GALNT14: variants seen among roughly 807,000 people sequenced by gnomAD.
The protein encoded by GALNT14 is polypeptide N-acetylgalactosaminyltransferase 14, also known as UDP-GalNAc:polypeptide N-acetylgalactosaminyltransferase 14.
Under a neutral mutation model 77.5 loss-of-function variants are expected in GALNT14, and 60 were observed. The ratio of observed to expected loss-of-function variants is 0.77; its 90% CI spans 0.63 to 0.96. The LOEUF is 0.96. Among genes scored for constraint, GALNT14 ranks in the 40% least tolerant of loss-of-function variants. GALNT14 has a pLI of 0.00. For missense variants in GALNT14, 710 were observed against 731.0 expected (o/e 0.97, Z 0.33); for synonymous variants, 280 against 281.7 (o/e 0.99, Z 0.06).
At chr2:30,961,889 C>T (rs1667714364) in intron 3 of GALNT14, among the ~76,000 whole-genome samples, 1 of 152,012 alleles carries the variant, frequency 6.6e-6, no homozygotes. Flanking sequence ...GACGGGGTTT[C>T]ACCATGTTAG....
At chr2:31,029,404 T>C (rs561438720) in intron 1 of GALNT14, among the ~76,000 whole-genome samples, 5 of 152,186 alleles carry the variant, frequency 3.3e-5, no homozygotes, top group African/African-American at 9.6e-5. Flanking sequence ...CACCTCATCA[T>C]CTCCACCAGC....
intron 6 of GALNT14, among the ~76,000 whole-genome samples, chr2:30,951,875 G>T (rs952899822): frequency 1.3e-5 from 2 of 152,168 alleles, no homozygotes; most frequent in African/African-American, 4.8e-5. Context: ...AGGAACTTCA[G>T]TTCCAGGGTG....
intron 1 of GALNT14, among the ~76,000 whole-genome samples, chr2:31,131,533 G>T (rs1014798099): frequency 7.2e-5 from 11 of 152,214 alleles, no homozygotes; most frequent in Non-Finnish European, 1.6e-4. Context: ...ACTTTGGGAT[G>T]CTATAGAAGA....
At chr2:30,925,728 C>T (rs1248913839) in intron 11 of GALNT14, among the ~76,000 whole-genome samples, 1 of 152,196 alleles carries the variant, frequency 6.6e-6, no homozygotes, top group Non-Finnish European at 1.5e-5. Context: ...TCCCGTGAGG[C>T]ACTGCCAAGG....
chr2:30,906,670 G>C (rs1408561100), downstream of GALNT14, among the ~76,000 whole-genome samples: 1 of 151,798 alleles, frequency 6.6e-6, no homozygotes, highest in South Asian at 2.1e-4. Context: ...AGTCAACAAG[G>C]ATACCCAGGA....
intron 6 of GALNT14, among the ~76,000 whole-genome samples, chr2:30,947,361 T>C (rs1373734426): frequency 6.6e-6 from 1 of 152,228 alleles, no homozygotes; most frequent in Non-Finnish European, 1.5e-5. Context: ...CATTACTTGC[T>C]ACGTCCCTCA....
chr2:31,006,848 C>T (rs1428958149), intron 1 of GALNT14, among the ~76,000 whole-genome samples: 1 of 152,236 alleles, frequency 6.6e-6, no homozygotes, highest in African/African-American at 2.4e-5. Context: ...TTCCAGCTTT[C>T]AGCTGAGCAG....
At chr2:31,068,467 C>T (rs1253734980) in intron 1 of GALNT14, among the ~76,000 whole-genome samples, 20 of 149,242 alleles carry the variant, frequency 1.3e-4, no homozygotes, top group Admixed American at 1.3e-3. Context: ...AGAGATCACG[C>T]CACTCTACTC....
At chr2:31,011,856 G>A (rs1285518781) in intron 1 of GALNT14, among the ~76,000 whole-genome samples, 4 of 152,174 alleles carry the variant, frequency 2.6e-5, no homozygotes, top group Admixed American at 1.3e-4. Flanking sequence ...ACAACCTTGA[G>A]ATGTGTTCTC....
intron 1 of GALNT14, among the ~76,000 whole-genome samples, chr2:31,115,593 G>A (rs958116838): frequency 6.6e-6 from 1 of 152,168 alleles, no homozygotes; most frequent in East Asian, 1.9e-4. Flanking sequence ...AAAGAGGAGG[G>A]ATTCTGCAAA....
chr2:30,939,661 C>A (rs1461168987), intron 9 of GALNT14, among the ~76,000 whole-genome samples: 1 of 152,084 alleles, frequency 6.6e-6, no homozygotes, highest in Non-Finnish European at 1.5e-5. Context: ...GATGGAGGAC[C>A]ACTGAGGAGA....
chr2:31,131,231 C>T (rs917438354), intron 1 of GALNT14, among the ~76,000 whole-genome samples: 2 of 152,184 alleles, frequency 1.3e-5, no homozygotes, highest in African/African-American at 4.8e-5. Context: ...GTGGGACTCT[C>T]TCTATCTCCT....
intron 1 of GALNT14, among the ~76,000 whole-genome samples, chr2:31,029,918 G>C (rs1208359070): frequency 6.6e-6 from 1 of 152,238 alleles, no homozygotes; most frequent in Non-Finnish European, 1.5e-5. Context: ...TACCTTGGCT[G>C]AGTTCGAGAA....
chr2:30,985,102 G>A (rs529440906), intron 2 of GALNT14, among the ~76,000 whole-genome samples: 1 of 152,214 alleles, frequency 6.6e-6, no homozygotes, highest in East Asian at 1.9e-4. Flanking sequence ...TTGGCATATG[G>A]CAATTGCTCA....
intron 1 of GALNT14, among the ~76,000 whole-genome samples, chr2:31,054,243 G>C (rs1024970572): frequency 1.1e-4 from 16 of 152,194 alleles, no homozygotes; most frequent in Admixed American, 5.2e-4. Flanking sequence ...TTTGCAATAA[G>C]ACTGAAATCA....
chr2:30,905,679 G>A (rs2148185526), downstream of GALNT14, among the ~76,000 whole-genome samples: 1 of 150,998 alleles, frequency 6.6e-6, no homozygotes, highest in South Asian at 2.1e-4. Context: ...TAGCAAGGCA[G>A]GCCAACGTTC....
At chr2:31,008,989 A>G (rs1558488417) in intron 1 of GALNT14, among the ~76,000 whole-genome samples, 1 of 152,188 alleles carries the variant, frequency 6.6e-6, no homozygotes, top group Non-Finnish European at 1.5e-5. Flanking sequence ...TTCCCAGGAA[A>G]CTTGCATCTG....
At chr2:30,994,764 T>C (rs1004226843) in intron 1 of GALNT14, among the ~76,000 whole-genome samples, 1 of 152,092 alleles carries the variant, frequency 6.6e-6, no homozygotes, top group Non-Finnish European at 1.5e-5. Flanking sequence ...ATTTAATTCA[T>C]CACAATTTTC....
intron 1 of GALNT14, among the ~76,000 whole-genome samples, chr2:31,090,342 G>A (rs929000513): frequency 6.6e-6 from 1 of 152,164 alleles, no homozygotes; most frequent in Non-Finnish European, 1.5e-5. Context: ...TGATTCACCT[G>A]TATTTCCTTC....
Sources: gnomAD v4.1 joint callset for allele counts (sites outside exome capture counted in the v4.1 genomes callset) on GRCh38, gnomAD v4.1.1 for gene constraint, MANE v1.5 for transcripts, NCBI Gene and HGNC (gene_info 2026-07-23, HGNC 2026-07-21) for gene names.